DAO: variants seen among roughly 807,000 people sequenced by gnomAD.
The protein encoded by DAO is D-amino acid oxidase.
A neutral mutation model predicts 50.1 loss-of-function variants in DAO; 51 were observed. That is an observed-to-expected ratio of 1.02 (90% confidence interval 0.81 to 1.29). DAO has a LOEUF of 1.29. DAO is among the 50% of genes most tolerant of loss of function. DAO has a pLI of 0.00. For missense variants in DAO, 436 were observed against 439.4 expected, an observed-to-expected ratio of 0.99 and a Z score of 0.07; for synonymous variants, 160 against 166.2, an observed-to-expected ratio of 0.96 and a Z score of 0.29.
Position 108,885,141 on chromosome 12 carries a change from C to T in DAO, c.135C>T (p.Thr45=), listed in dbSNP as rs748352322. Residue 45 remains threonine, a synonymous_variant, in exon 2 of 11, where the codon ACC becomes ACT. Coordinates refer to ENST00000228476, the MANE Select transcript of DAO (RefSeq NM_001917.5). ...ACCGCTTCACCCCACTCACCACCAC[C>T]GACGTGGCTGCCGGCCTCTGGCAGC... ...YADRFTPLTT[T]DVAAGLWQPY... 1.2e-5 allele frequency: 19 copies of T among 1,613,208 alleles called. No homozygotes were observed. The Admixed American group carries it at 2.5e-4, about 21-fold the overall frequency.
intron 5 of DAO, 40 bp downstream of exon 5, chr12:108,890,313 G>C: frequency 6.6e-7 from 1 of 1,505,842 alleles, no homozygotes; most frequent in Non-Finnish European, 9.2e-7. Flanking sequence ...GTACCTCCCA[G>C]AGACCAAGTT....
intron 8 of DAO, 27 bp downstream of exon 8, chr12:108,897,115 A>G: frequency 6.4e-7 from 1 of 1,553,692 alleles, no homozygotes; most frequent in Non-Finnish European, 8.9e-7. Context: ...CTCGGGCAGA[A>G]GAGTGGTCCC....
chr12:108,895,386 T>C (rs1001572564), intron 7 of DAO, among the ~76,000 whole-genome samples: 6 of 148,068 alleles, frequency 4.1e-5, no homozygotes, highest in African/African-American at 1.5e-4. Context: ...TGTGATGGTG[T>C]GTGCACATAT....
chr12:108,900,240 G>C (rs992202136), intron 10 of DAO, 164 bp from the exon 11 acceptor site: 14 of 781,052 alleles, frequency 1.8e-5, no homozygotes, highest in Middle Eastern at 3.8e-4. Context: ...ACTGTTCCAG[G>C]GGGTCCCCAC....
chr12:108,882,343 T>C (rs901352413), intron 1 of DAO, among the ~76,000 whole-genome samples: 1 of 152,116 alleles, frequency 6.6e-6, no homozygotes, highest in Non-Finnish European at 1.5e-5. Flanking sequence ...TGAAACCTTG[T>C]CTCTACTAAA....
intron 5 of DAO, among the ~76,000 whole-genome samples, chr12:108,891,728 A>G (rs577434376): frequency 2.2e-4 from 34 of 152,140 alleles, no homozygotes; most frequent in Non-Finnish European, 4.4e-4. Flanking sequence ...CCTCCAAAGT[A>G]GCTGGGACCA....
At chr12:108,897,623 T>C (rs1405395251) in intron 8 of DAO, among the ~76,000 whole-genome samples, 2 of 152,122 alleles carry the variant, frequency 1.3e-5, no homozygotes, top group African/African-American at 4.8e-5. Flanking sequence ...ATAGTGGTGA[T>C]GCTGGAGACA....
chr12:108,893,147 C>T, intron 6 of DAO, 111 bp downstream of exon 6: 1 of 912,036 alleles, frequency 1.1e-6, no homozygotes, highest in Non-Finnish European at 1.8e-6. Context: ...CCCCACAGGC[C>T]TGCCTCAGAC....
At chr12:108,892,329 A>AC (rs1400636015) in intron 5 of DAO, among the ~76,000 whole-genome samples, 1 of 147,596 alleles carries the variant, frequency 6.8e-6, no homozygotes, top group Non-Finnish European at 1.5e-5. Flanking sequence ...CGTCTGGCTA[A>AC]TTTTTTTTTT....
chr12:108,897,941 C>T (rs902163880), intron 8 of DAO, among the ~76,000 whole-genome samples: 1 of 142,834 alleles, frequency 7.0e-6, no homozygotes, highest in African/African-American at 2.6e-5. Flanking sequence ...AGCGAGACCC[C>T]ATCTCAAAAA....
Position 108,895,840 on chromosome 12 carries a change from G to A in DAO, c.613-1166G>A, listed in dbSNP as rs115171339. ...AGGTGTGTGTGCTTCTGTGTGTAGGGGTGCGTGTGTGTGTTCCTAATGTGG... is the reference window on the plus strand; with the variant it reads ...AGGTGTGTGTGCTTCTGTGTGTAGGAGTGCGTGTGTGTGTTCCTAATGTGG... On this transcript the variant is annotated intron_variant, in intron 7 of 10. Transcript: ENST00000228476. Among the ~76,000 whole-genome samples the A allele has an allele frequency of 6.5e-3, 990 of 151,838 alleles. 15 individuals are homozygous for A. Among genetic ancestry groups the A allele is most frequent in the African/African-American group, 0.023 (941 of 41,344 alleles).
intron 1 of DAO, among the ~76,000 whole-genome samples, chr12:108,881,285 C>T (rs557801184): frequency 1.4e-4 from 21 of 150,502 alleles, no homozygotes; most frequent in East Asian, 5.9e-4. Flanking sequence ...CAGAGGAGAA[C>T]GGCAACACTA....
At chr12:108,895,661 A>G (rs1469318043) in intron 7 of DAO, among the ~76,000 whole-genome samples, 2 of 134,116 alleles carry the variant, frequency 1.5e-5, no homozygotes, top group African/African-American at 5.7e-5. Context: ...CATGTGTGTG[A>G]GGGTGTGTGC....
chr12:108,896,971 T>G, intron 7 of DAO, 35 bp from the exon 8 acceptor site: 1 of 1,541,370 alleles, frequency 6.5e-7, no homozygotes. Context: ...TTGACTCACC[T>G]CCGCTGATGA....
chr12:108,887,905 T>A (rs1193562306), intron 3 of DAO, among the ~76,000 whole-genome samples: 4 of 152,172 alleles, frequency 2.6e-5, no homozygotes, highest in Non-Finnish European at 4.4e-5. Flanking sequence ...GTCCCAAGGC[T>A]TTTTATCAAG....
chr12:108,900,592 G>GA lies in DAO; in HGVS notation c.*59dup. ...GAACTCCCTTCTCCCCTCAGCCAAT[G>GA]AATCAATGTGCTCCTTCATAAGCCA... On this transcript the variant is annotated 3_prime_UTR_variant, in exon 11 of 11. Coordinates refer to ENST00000228476, the MANE Select transcript of DAO (RefSeq NM_001917.5). The GA allele has an allele frequency of 6.2e-7, 1 of 1,602,690 alleles. No homozygotes were observed. Among genetic ancestry groups the GA allele is most frequent in the Non-Finnish European group, 8.5e-7 (1 of 1,172,354 alleles).
chr12:108,893,259 C>A (rs571532359), intron 6 of DAO, among the ~76,000 whole-genome samples: 9 of 152,274 alleles, frequency 5.9e-5, no homozygotes, highest in Admixed American at 3.9e-4. Context: ...CCATTAGGAG[C>A]TGATTTATAT....
chr12:108,900,271 A>T, intron 10 of DAO, 133 bp from the exon 11 acceptor site: 1 of 1,153,248 alleles, frequency 8.7e-7, no homozygotes, highest in Non-Finnish European at 1.3e-6. Context: ...CGGTGCCAAG[A>T]GAAGCTCAGG....
At chr12:108,895,734 G>A (rs897424285) in intron 7 of DAO, among the ~76,000 whole-genome samples, 2 of 143,074 alleles carry the variant, frequency 1.4e-5, no homozygotes, top group Non-Finnish European at 3.1e-5. Context: ...TGCATGTGAG[G>A]GTGTGTGTGT....
Sources: allele counts gnomAD v4.1 joint callset (sites outside exome capture counted in the v4.1 genomes callset), GRCh38; gene constraint gnomAD v4.1.1; transcripts MANE v1.5; gene names NCBI Gene and HGNC (gene_info 2026-07-23, HGNC 2026-07-21).